The following MACROD2 variants were observed in gnomAD, a reference collection of about 807,000 sequenced individuals.
MACROD2 encodes mono-ADP ribosylhydrolase 2.
MACROD2 carries 36 observed loss-of-function variants against 70.4 expected under a neutral mutation model. The ratio of observed to expected loss-of-function variants is 0.51; its 90% CI spans 0.39 to 0.68. The LOEUF is 0.68. MACROD2 is among the 30% of genes least tolerant of loss of function. The probability of loss-of-function intolerance (pLI) is 0.00; values close to 1 mark genes in which losing one functional copy is unlikely to be tolerated. For missense variants in MACROD2, 496 were observed against 538.4 expected, an observed-to-expected ratio of 0.92 and a Z score of 0.78; for synonymous variants, 172 against 178.8, an observed-to-expected ratio of 0.96 and a Z score of 0.30.
chr20:15,978,570 G>A (rs949105554), intron 13 of MACROD2, among the ~76,000 whole-genome samples: 17 of 147,756 alleles, frequency 1.2e-4, no homozygotes, highest in Non-Finnish European at 1.9e-4. Context: ...AAACTTACTC[G>A]CCTGACCTTG....
rs965054080 is a variant in MACROD2, at chr20:14,066,232, G to A, written c.164-19389G>A. On this transcript the variant is annotated intron_variant, in intron 2 of 17. Coordinates refer to ENST00000684519, the MANE Select transcript of MACROD2 (RefSeq NM_001351661.2). ...TATTTGTGCTTTATTATGTGAATTT[G>A]GACTTGTATAGAACAAACCAGGTCC... 2.6e-5 allele frequency among the ~76,000 whole-genome samples: 4 copies of A among 152,068 alleles called. No homozygotes were observed. In the East Asian group the frequency reaches 5.8e-4, roughly 22 times the overall value.
At chr20:14,912,539 C>T (rs1040635238) in intron 5 of MACROD2, among the ~76,000 whole-genome samples, 2 of 152,062 alleles carry the variant, frequency 1.3e-5, no homozygotes, top group African/African-American at 2.4e-5. Flanking sequence ...TCTCCTAACA[C>T]GTGCCACAGT....
rs111305234 is a variant in MACROD2, at chr20:15,962,327, T to C, written c.908-5226T>C. On this transcript the variant is annotated intron_variant, in intron 12 of 17. Coordinates refer to ENST00000684519, the MANE Select transcript of MACROD2 (RefSeq NM_001351661.2). ...GCTTTGTAAGGTATCTTAGAGAGAT[T>C]ATCCAGCTCAACAGCTGTAGTTCCT... Among the ~76,000 whole-genome samples the C allele has an allele frequency of 3.6e-3, 546 of 152,346 alleles. 4 individuals are homozygous for C. Among genetic ancestry groups the C allele is most frequent in the Middle Eastern group, 0.014 (4 of 294 alleles).
chr20:14,012,309 A>G (rs754297032), intron 2 of MACROD2, among the ~76,000 whole-genome samples: 5 of 152,352 alleles, frequency 3.3e-5, no homozygotes, highest in Non-Finnish European at 4.4e-5. Flanking sequence ...TAATGCTTTA[A>G]GTTGTCATAT....
At chr20:15,684,958 G>A (rs1252015642) in intron 8 of MACROD2, among the ~76,000 whole-genome samples, 2 of 152,230 alleles carry the variant, frequency 1.3e-5, no homozygotes, top group Admixed American at 6.5e-5. Context: ...TCATTTATAA[G>A]CTCTATGAAA....
intron 6 of MACROD2, among the ~76,000 whole-genome samples, chr20:15,356,279 A>G (rs372643111): frequency 9.8e-5 from 15 of 152,338 alleles, no homozygotes; most frequent in African/African-American, 3.6e-4. Flanking sequence ...TGCTGAGAGA[A>G]TAAGATGTAA....
chr20:14,180,489 T>C (rs2081296963), intron 3 of MACROD2, among the ~76,000 whole-genome samples: 1 of 152,160 alleles, frequency 6.6e-6, no homozygotes, highest in South Asian at 2.1e-4. Context: ...TGCTGAGATT[T>C]TCATCTGTTT....
chr20:14,118,680 T>A (rs773138461), intron 3 of MACROD2, among the ~76,000 whole-genome samples: 11 of 152,150 alleles, frequency 7.2e-5, no homozygotes, highest in Non-Finnish European at 1.5e-4. Context: ...TTCTTCCAAA[T>A]TCTCTGGATG....
At chr20:14,656,999 T>C (rs965372919) in intron 4 of MACROD2, among the ~76,000 whole-genome samples, 1 of 152,056 alleles carries the variant, frequency 6.6e-6, no homozygotes, top group African/African-American at 2.4e-5. Context: ...TGTGATATAC[T>C]CTCTCCCACA....
At chr20:14,356,652 G>A (rs1024691926) in intron 3 of MACROD2, among the ~76,000 whole-genome samples, 2 of 151,922 alleles carry the variant, frequency 1.3e-5, no homozygotes, top group African/African-American at 2.4e-5. Context: ...TTACAAGCAT[G>A]AGCCACCATG....
At chr20:14,955,997 GT>G (rs2074533365) in intron 5 of MACROD2, among the ~76,000 whole-genome samples, 1 of 150,070 alleles carries the variant, frequency 6.7e-6, no homozygotes, top group African/African-American at 2.5e-5. Flanking sequence ...AATTCTTACT[GT>G]TTAGCTGAAA....
chr20:15,758,411 G>GTT (rs35691526), intron 8 of MACROD2, among the ~76,000 whole-genome samples: 2 of 148,720 alleles, frequency 1.3e-5, no homozygotes, highest in African/African-American at 5.0e-5. Flanking sequence ...GCTAATTTTT[G>GTT]TTTTTTTTAG....
rs57817982 is a variant in MACROD2, at chr20:15,876,109, A to ATATATATATATATATATATGTATG, written c.728-9652_728-9651insATATATATATATATATGTATGTAT. Among the ~76,000 whole-genome samples the ATATATATATATATATATATGTATG allele has an allele frequency of 2.7e-3, 339 of 124,400 alleles. 13 individuals are homozygous for ATATATATATATATATATATGTATG. The East Asian group carries it at 0.049, about 18-fold the overall frequency. The allele number at this position is 124,400 out of a possible 152,430, so 81.6% of individuals were successfully genotyped here. A position where few individuals can be genotyped will look rare whatever the true frequency, so the allele number is the denominator to read the frequency against. Reference sequence around the variant, plus strand: ...ATGTCTTTTATATATATATATATATATATGTGTGTATTTTTTTTATTACAC... The same window carrying ATATATATATATATATATATGTATG: ...ATGTCTTTTATATATATATATATATATATATATATATATATATATGTATGTATGTGTGTATTTTTTTTATTACAC... On this transcript the variant is annotated intron_variant, in intron 9 of 17. Coordinates refer to ENST00000684519, the MANE Select transcript of MACROD2 (RefSeq NM_001351661.2).
intron 5 of MACROD2, among the ~76,000 whole-genome samples, chr20:15,051,224 A>T (rs555345813): frequency 1.3e-5 from 2 of 152,160 alleles, no homozygotes; most frequent in Admixed American, 1.3e-4. Context: ...AAATGAACAG[A>T]GTCATTTTTG....
intron 15 of MACROD2, among the ~76,000 whole-genome samples, chr20:16,017,211 G>A (rs558263591): frequency 3.3e-5 from 5 of 152,178 alleles, no homozygotes; most frequent in Admixed American, 6.5e-5. Context: ...CAGTATAAGC[G>A]TACTCTTGCC....
At chr20:15,348,369 G>A (rs964162795) in intron 6 of MACROD2, among the ~76,000 whole-genome samples, 3 of 152,146 alleles carry the variant, frequency 2.0e-5, no homozygotes, top group African/African-American at 7.2e-5. Context: ...AGGTAAACTT[G>A]TACTGTATTA....
At chr20:14,227,673 G>A (rs2081755210) in intron 3 of MACROD2, among the ~76,000 whole-genome samples, 1 of 152,242 alleles carries the variant, frequency 6.6e-6, no homozygotes, top group South Asian at 2.1e-4. Context: ...AAGTCAGTGA[G>A]ACCAAGGACC....
At chr20:15,708,958 T>G (rs765723320) in intron 8 of MACROD2, among the ~76,000 whole-genome samples, 38 of 152,102 alleles carry the variant, frequency 2.5e-4, no homozygotes, top group Non-Finnish European at 4.6e-4. Flanking sequence ...CCTGGGAGTT[T>G]GAAGCTGCAG....
intron 5 of MACROD2, among the ~76,000 whole-genome samples, chr20:15,141,312 G>A (rs922734069): frequency 1.3e-5 from 2 of 152,028 alleles, no homozygotes; most frequent in African/African-American, 2.4e-5. Flanking sequence ...ACACGTGTTT[G>A]CATAAGGAGT....
Sources: gnomAD v4.1 joint callset for allele counts (sites outside exome capture counted in the v4.1 genomes callset) on GRCh38, gnomAD v4.1.1 for gene constraint, MANE v1.5 for transcripts, NCBI Gene and HGNC (gene_info 2026-07-23, HGNC 2026-07-21) for gene names.